The following SPATA13 variants were observed in gnomAD, a reference collection of about 807,000 sequenced individuals.
SPATA13 encodes the protein spermatogenesis associated 13.
SPATA13 carries 50 observed loss-of-function variants against 104.0 expected under a neutral mutation model. The observed-to-expected ratio is 0.48, with a 90% CI of 0.38 to 0.61. The LOEUF is 0.61. SPATA13 is among the 20% of genes least tolerant of loss of function. SPATA13 has a pLI of 0.00. For missense variants in SPATA13, 1,524 were observed against 1,690.6 expected (o/e 0.90, Z 1.73); for synonymous variants, 606 against 667.5 (o/e 0.91, Z 1.42).
rs550225504 is a variant in SPATA13, at chr13:24,122,882, G to A, written c.-111-99937G>A. 1.8e-4 allele frequency: 142 copies of A among 773,944 alleles called. 1 individual carries two copies. The Middle Eastern group carries it at 3.2e-3, about 17-fold the overall frequency. 47.9% of individuals were successfully genotyped at this position (773,944 alleles called of 1,614,324 possible). ...CATGCTGTTGTAAAACAGTAGGAACGACCTGTAAGCAGATTCCCTCGAGCT... is the reference window on the plus strand; with the variant it reads ...CATGCTGTTGTAAAACAGTAGGAACAACCTGTAAGCAGATTCCCTCGAGCT... On this transcript the variant is annotated intron_variant, in intron 3 of 14. Transcript: ENST00000424834.
chr13:24,063,700 G>A (rs773016356), intron 3 of SPATA13, among the ~76,000 whole-genome samples: 16 of 152,284 alleles, frequency 1.1e-4, no homozygotes, highest in Middle Eastern at 3.4e-3. Flanking sequence ...GGAGGAGGGG[G>A]CAGCCTTCTC....
intron 4 of SPATA13, among the ~76,000 whole-genome samples, chr13:24,283,032 G>T (rs1383597056): frequency 6.6e-6 from 1 of 152,170 alleles, no homozygotes; most frequent in South Asian, 2.1e-4. Flanking sequence ...GTGTGCCCCC[G>T]ATCTTTGCAG....
chr13:24,157,431 T>C (rs1347962248), upstream of SPATA13, among the ~76,000 whole-genome samples: 1 of 152,178 alleles, frequency 6.6e-6, no homozygotes, highest in African/African-American at 2.4e-5. Flanking sequence ...CCGGAGTAGC[T>C]GGGACTACAG....
chr13:24,198,841 G>A (rs764943243), intron 1 of SPATA13, among the ~76,000 whole-genome samples: 5 of 152,050 alleles, frequency 3.3e-5, no homozygotes, highest in Non-Finnish European at 7.4e-5. Flanking sequence ...TAAGCAGAGG[G>A]CATTTCAGAC....
At chr13:24,028,162 C>G (rs949585265) in intron 3 of SPATA13, among the ~76,000 whole-genome samples, 3 of 152,240 alleles carry the variant, frequency 2.0e-5, no homozygotes, top group African/African-American at 4.8e-5. Context: ...ACAAGTTACC[C>G]TATTATTATT....
intron 2 of SPATA13, among the ~76,000 whole-genome samples, chr13:24,247,694 G>C (rs1873226160): frequency 6.6e-6 from 1 of 151,960 alleles, no homozygotes; most frequent in Admixed American, 6.6e-5. Context: ...ATGTTGGCCA[G>C]CTGGTCTCAA....
chr13:24,160,698 G>C (rs1233708483), upstream of SPATA13: 1 of 984,672 alleles, frequency 1.0e-6, no homozygotes, highest in Non-Finnish European at 1.2e-6. Context: ...GGTGGGGAGC[G>C]GGGCTGGGGC....
chr13:24,285,680 C>CTTT (rs3067301), intron 5 of SPATA13, among the ~76,000 whole-genome samples: 2 of 129,874 alleles, frequency 1.5e-5, no homozygotes, highest in Admixed American at 7.8e-5. Context: ...CCACATCTGG[C>CTTT]TTTTTTTTTT....
Position 24,057,029 on chromosome 13 carries a change from CTCTT to C in SPATA13, c.-112+39335_-112+39338del, listed in dbSNP as rs373019073. Among the ~76,000 whole-genome samples, 22 of 95,516 alleles carry C rather than the reference CTCTT, an allele frequency of 2.3e-4. 1 individual carries two copies. The highest frequency in any genetic ancestry group is 3.9e-4 in the Non-Finnish European group (19 of 48,896). The allele number at this position is 95,516 out of a possible 152,430, so 62.7% of individuals were successfully genotyped here. A position where few individuals can be genotyped will look rare whatever the true frequency, so the allele number is the denominator to read the frequency against. On this transcript the variant is annotated intron_variant, in intron 3 of 14. Coordinates refer to the SPATA13 transcript ENST00000424834. ...TTTCTCTCTCTCTCTCTCTCTCTCT[CTCTT>C]TCTTTCATAGCGTCTGGCTCTTTCT...
intron 3 of SPATA13, among the ~76,000 whole-genome samples, chr13:24,057,247 AACAGTCCCCG>A (rs997784003): frequency 9.1e-6 from 1 of 109,714 alleles, no homozygotes; most frequent in African/African-American, 3.5e-5. Context: ...CCAACCCCAC[AACAGTCCCCG>A]GAGTGTGATG....
At chr13:24,074,745 G>T (rs920268821) in intron 3 of SPATA13, among the ~76,000 whole-genome samples, 1 of 152,206 alleles carries the variant, frequency 6.6e-6, no homozygotes, top group African/African-American at 2.4e-5. Context: ...GTTTAATTGA[G>T]CAGAGGAAGA....
chr13:24,276,773 A>G (rs773184527), intron 4 of SPATA13, among the ~76,000 whole-genome samples: 1 of 152,252 alleles, frequency 6.6e-6, no homozygotes, highest in Non-Finnish European at 1.5e-5. Flanking sequence ...AGAAGTCATC[A>G]TTATTAACTT....
intron 4 of SPATA13, among the ~76,000 whole-genome samples, chr13:24,262,073 T>C (rs1166996387): frequency 6.6e-6 from 1 of 152,218 alleles, no homozygotes; most frequent in African/African-American, 2.4e-5. Context: ...GATGGGAAGA[T>C]TACACATCAG....
At chr13:24,120,742 C>T (rs1881007031) in intron 3 of SPATA13, among the ~76,000 whole-genome samples, 1 of 152,242 alleles carries the variant, frequency 6.6e-6, no homozygotes, top group Non-Finnish European at 1.5e-5. Flanking sequence ...AAGGTATCCT[C>T]TTTAAAAAGT....
At chr13:24,202,520 CTTTTTT>C (rs10608738) in intron 1 of SPATA13, among the ~76,000 whole-genome samples, 1 of 88,356 alleles carries the variant, frequency 1.1e-5, no homozygotes, top group African/African-American at 4.2e-5. Flanking sequence ...CTTTCTTTCC[CTTTTTT>C]TTTTTTTTTT....
intron 3 of SPATA13, among the ~76,000 whole-genome samples, chr13:24,106,114 G>A (rs972139354): frequency 2.0e-5 from 3 of 152,170 alleles, no homozygotes; most frequent in African/African-American, 7.2e-5. Context: ...GCTCACTGCA[G>A]CCTTGAGCTC....
chr13:24,084,250 C>T (rs1444835384), intron 3 of SPATA13, among the ~76,000 whole-genome samples: 3 of 152,144 alleles, frequency 2.0e-5, no homozygotes, highest in African/African-American at 7.2e-5. Context: ...AAAAGGGCCC[C>T]AGGTGCAGTC....
chr13:24,158,276 C>T (rs1318179214), upstream of SPATA13, among the ~76,000 whole-genome samples: 1 of 152,166 alleles, frequency 6.6e-6, no homozygotes, highest in Non-Finnish European at 1.5e-5. Context: ...AATGCAGATG[C>T]CGGCCTTGTC....
At chr13:24,235,604 A>G (rs569881415) in intron 2 of SPATA13, among the ~76,000 whole-genome samples, 1 of 152,170 alleles carries the variant, frequency 6.6e-6, no homozygotes, top group Non-Finnish European at 1.5e-5. Flanking sequence ...TTAAAAAAAA[A>G]TAAAAAGCCA....
Sources: allele counts gnomAD v4.1 joint callset (sites outside exome capture counted in the v4.1 genomes callset), GRCh38; gene constraint gnomAD v4.1.1; transcripts MANE v1.5; gene names NCBI Gene and HGNC (gene_info 2026-07-23, HGNC 2026-07-21).